Variants in SLC16A10 observed in about 807,000 individuals in gnomAD.
SLC16A10 encodes monocarboxylate transporter 10.
Under a neutral mutation model 40.0 loss-of-function variants are expected in SLC16A10, and 27 were observed. The ratio of observed to expected loss-of-function variants is 0.67; its 90% CI spans 0.50 to 0.93. The LOEUF (loss-of-function observed/expected upper bound fraction) is 0.93. SLC16A10 is among the 40% of genes least tolerant of loss of function. SLC16A10 has a pLI of 0.00. For missense variants in SLC16A10, 529 were observed against 658.2 expected, an observed-to-expected ratio of 0.80 and a Z score of 2.15; for synonymous variants, 213 against 249.8, an observed-to-expected ratio of 0.85 and a Z score of 1.39.
chr6:111,125,259 T>A (rs1040585784), intron 1 of SLC16A10, among the ~76,000 whole-genome samples: 1 of 152,208 alleles, frequency 6.6e-6, no homozygotes, highest in African/African-American at 2.4e-5. Flanking sequence ...AGCAGCATTA[T>A]CATTAAATTG....
At chr6:111,174,153 G>A (rs983509924) in intron 2 of SLC16A10, among the ~76,000 whole-genome samples, 2 of 152,148 alleles carry the variant, frequency 1.3e-5, no homozygotes, top group East Asian at 3.9e-4. Flanking sequence ...AGGTGATTAA[G>A]AAGAAAACCT....
chr6:111,185,131 A>G (rs980364130), intron 3 of SLC16A10, among the ~76,000 whole-genome samples: 1 of 152,224 alleles, frequency 6.6e-6, no homozygotes, highest in African/African-American at 2.4e-5. Flanking sequence ...GAACCACCAC[A>G]AGGATGAGTG....
At chr6:111,193,185 C>CGT in intron 3 of SLC16A10, 4 of 480,424 alleles carry the variant, frequency 8.3e-6, no homozygotes, top group Non-Finnish European at 1.1e-5. Flanking sequence ...ATTAAGACAC[C>CGT]TTCTCTCCTT....
chr6:111,090,520 A>G (rs1770956477), intron 1 of SLC16A10, among the ~76,000 whole-genome samples: 2 of 152,214 alleles, frequency 1.3e-5, no homozygotes, highest in African/African-American at 4.8e-5. Context: ...GAGGAAGAAA[A>G]CAGATTTAAA....
intron 1 of SLC16A10, among the ~76,000 whole-genome samples, chr6:111,098,772 C>G (rs887794004): frequency 6.6e-6 from 1 of 152,154 alleles, no homozygotes; most frequent in African/African-American, 2.4e-5. Context: ...GTTTAAACAA[C>G]GACATTCCAC....
chr6:111,168,271 C>T (rs984467845), intron 1 of SLC16A10, among the ~76,000 whole-genome samples: 14 of 152,178 alleles, frequency 9.2e-5, no homozygotes, highest in Non-Finnish European at 1.5e-4. Context: ...TGAGCCAACA[C>T]GCCTGGCCGT....
chr6:111,155,138 A>G (rs570753937), intron 1 of SLC16A10, among the ~76,000 whole-genome samples: 42 of 151,426 alleles, frequency 2.8e-4, no homozygotes, highest in Non-Finnish European at 5.6e-4. Flanking sequence ...AAGGTGACAC[A>G]CAGAGGGTAC....
chr6:111,213,355 T>A (rs1773374755), intron 4 of SLC16A10, among the ~76,000 whole-genome samples: 1 of 152,190 alleles, frequency 6.6e-6, no homozygotes, highest in South Asian at 2.1e-4. Context: ...TGTGTACATT[T>A]CTCTAAGGTT....
intron 1 of SLC16A10, among the ~76,000 whole-genome samples, chr6:111,159,165 A>G (rs1772327889): frequency 6.7e-6 from 1 of 150,162 alleles, no homozygotes; most frequent in Admixed American, 6.7e-5. Flanking sequence ...CTTCATGCAC[A>G]CTTTCCCACA....
chr6:111,196,375 G>T (rs890429636), intron 3 of SLC16A10, among the ~76,000 whole-genome samples: 1 of 152,126 alleles, frequency 6.6e-6, no homozygotes, highest in African/African-American at 2.4e-5. Context: ...AATTAGCTGA[G>T]CATAGTGGCA....
intron 1 of SLC16A10, among the ~76,000 whole-genome samples, chr6:111,122,198 GTGCTGGCATATTGATGAGCAGC>G (rs1771596608): frequency 6.6e-6 from 1 of 152,180 alleles, no homozygotes; most frequent in Non-Finnish European, 1.5e-5. Context: ...GGCTGGCAGC[GTGCTGGCATATTGATGAGCAGC>G]TGCTGGCATG....
chr6:111,092,131 A>G (rs1011811956), intron 1 of SLC16A10, among the ~76,000 whole-genome samples: 3 of 152,072 alleles, frequency 2.0e-5, no homozygotes, highest in African/African-American at 7.2e-5. Context: ...TGGTGAAATT[A>G]AGACTTTGGA....
At chr6:111,093,179 C>T (rs941883256) in intron 1 of SLC16A10, among the ~76,000 whole-genome samples, 19 of 152,060 alleles carry the variant, frequency 1.2e-4, no homozygotes, top group African/African-American at 4.6e-4. Flanking sequence ...CATTTCACTC[C>T]AGCCTGGGCA....
At chr6:111,218,443 G>A (rs141383281) in intron 4 of SLC16A10, among the ~76,000 whole-genome samples, 1 of 152,252 alleles carries the variant, frequency 6.6e-6, no homozygotes, top group East Asian at 1.9e-4. Context: ...GCTGGACTTT[G>A]TGGTGCTTGC....
intron 3 of SLC16A10, among the ~76,000 whole-genome samples, chr6:111,179,688 G>A (rs1374959769): frequency 6.6e-6 from 1 of 152,210 alleles, no homozygotes; most frequent in Non-Finnish European, 1.5e-5. Flanking sequence ...GAACAATAAA[G>A]TCTCTGTTAA....
intron 3 of SLC16A10, among the ~76,000 whole-genome samples, chr6:111,199,151 G>A (rs573843260): frequency 1.3e-5 from 2 of 152,270 alleles, no homozygotes; most frequent in South Asian, 4.1e-4. Context: ...CTCCAAGAAA[G>A]AAACTTCAGA....
chr6:111,157,802 G>A (rs1772297939), intron 1 of SLC16A10, among the ~76,000 whole-genome samples: 2 of 151,704 alleles, frequency 1.3e-5, no homozygotes, highest in Admixed American at 1.3e-4. Flanking sequence ...ATAAATGTGG[G>A]AGACTAGACA....
Position 111,087,786 on chromosome 6 carries a change from CG to C in SLC16A10, c.38del (p.Gly13AlafsTer61). ...CTCCCAGGAGGAGCCGGACTCCGCG[CG>C]GGGCACGAGCGAGGCGCAGCCGCTC... Reference protein sequence around the residue: ...VLSQEEPDSARGTSEAQPLGP... With the variant: ...VLSQEEPDSAXGTSEAQPLGP... On this transcript the variant is annotated frameshift_variant, in exon 1 of 6. Coordinates refer to ENST00000368851, the MANE Select transcript of SLC16A10 (RefSeq NM_018593.5). LOFTEE classifies it high-confidence loss of function. 1.7e-6 allele frequency: 2 copies of C among 1,165,270 alleles called. No homozygotes were observed. The highest frequency in any genetic ancestry group is 3.7e-5 in the East Asian group (1 of 27,388). The allele number at this position is 1,165,270 out of a possible 1,614,324, so 72.2% of individuals were successfully genotyped here.
At chr6:111,212,062 G>A (rs1773354122) in intron 4 of SLC16A10, among the ~76,000 whole-genome samples, 1 of 152,286 alleles carries the variant, frequency 6.6e-6, no homozygotes, top group Non-Finnish European at 1.5e-5. Context: ...GAACACTGGT[G>A]ACACAGACAC....
Sources: gnomAD v4.1 joint callset for allele counts (sites outside exome capture counted in the v4.1 genomes callset) on GRCh38, gnomAD v4.1.1 for gene constraint, MANE v1.5 for transcripts, NCBI Gene and HGNC (gene_info 2026-07-23, HGNC 2026-07-21) for gene names.